COL4A6: variants seen among roughly 807,000 people sequenced by gnomAD.
COL4A6 encodes collagen alpha-6(IV) chain.
COL4A6 carries 59 observed loss-of-function variants against 126.7 expected under a neutral mutation model. That is an observed-to-expected ratio of 0.47 (90% CI 0.38 to 0.58). COL4A6 has a LOEUF of 0.58. Among genes scored for constraint, COL4A6 ranks in the 20% least tolerant of loss-of-function variants. COL4A6 has a pLI of 0.00. For synonymous variants in COL4A6, 547 were observed against 496.6 expected, an observed-to-expected ratio of 1.10 and a Z score of -1.35; for missense variants, 1,285 against 1,337.3, an observed-to-expected ratio of 0.96 and a Z score of 0.61.
At position 108,316,912 on chromosome X, in the gene COL4A6, T is replaced by C. The variant is rs763307374; in HGVS notation, c.64-6084A>G. Reference sequence around the variant, plus strand: ...CAGAGTTGGAGCAAGAGCCAGATCATAGAAGATTTCATAGACCAATGTAAG... The same window carrying C: ...CAGAGTTGGAGCAAGAGCCAGATCACAGAAGATTTCATAGACCAATGTAAG... On this transcript the variant is annotated intron_variant, in intron 2 of 44. Transcript: ENST00000334504. Among the ~76,000 whole-genome samples the C allele has an allele frequency of 5.4e-5, 6 of 112,092 alleles. No individual in the cohort carries two copies. The South Asian group carries it at 1.9e-3, about 35-fold the overall frequency.
intron 23 of COL4A6, among the ~76,000 whole-genome samples, chrX:108,185,504 C>A (rs781691288): frequency 8.9e-6 from 1 of 111,802 alleles, no homozygotes; most frequent in African/African-American, 3.2e-5. Flanking sequence ...TACCATCTAC[C>A]ATCAACCTTA....
intron 3 of COL4A6, among the ~76,000 whole-genome samples, chrX:108,238,947 G>A (rs1390417497): frequency 8.9e-6 from 1 of 112,134 alleles, no homozygotes; most frequent in Non-Finnish European, 1.9e-5. Context: ...ATACTAGCAA[G>A]GCTAATCATC....
chrX:108,379,873 T>C (rs1410326144), intron 2 of COL4A6, among the ~76,000 whole-genome samples: 2 of 110,600 alleles, frequency 1.8e-5, no homozygotes, highest in Admixed American at 9.7e-5. Flanking sequence ...CCTCCAGCAG[T>C]TGGAGACCCC....
At chrX:108,439,372 ATACTT>A, upstream of COL4A6, 2 of 815,841 alleles carry the variant, frequency 2.5e-6, no homozygotes, top group Non-Finnish European at 3.5e-6. Context: ...TTATAAGCAT[ATACTT>A]TATTTATTCC....
intron 2 of COL4A6, among the ~76,000 whole-genome samples, chrX:108,391,183 C>A (rs1470517730): frequency 8.9e-6 from 1 of 111,782 alleles, no homozygotes; most frequent in Admixed American, 9.5e-5. Flanking sequence ...GAAGGGCCCA[C>A]TTGAGCAGGC....
intron 3 of COL4A6, among the ~76,000 whole-genome samples, chrX:108,225,964 G>A (rs912409513): frequency 6.2e-5 from 7 of 112,386 alleles, no homozygotes; most frequent in Non-Finnish European, 1.3e-4. Flanking sequence ...ATTAAGCTAG[G>A]GGATGCAAAT....
At chrX:108,407,711 A>G (rs1168772391) in intron 2 of COL4A6, among the ~76,000 whole-genome samples, 1 of 112,098 alleles carries the variant, frequency 8.9e-6, no homozygotes, top group Non-Finnish European at 1.9e-5. Flanking sequence ...AGCATTTTAC[A>G]ATATTGTAAG....
rs1377013897 is a variant in COL4A6, at chrX:108,156,004, A to G, written c.*996T>C. 1 of 112,350 alleles carries G rather than the reference A, an allele frequency of 8.9e-6. No individual in the cohort carries two copies. Among genetic ancestry groups the G allele is most frequent in the Non-Finnish European group, 1.9e-5 (1 of 53,329 alleles). 9.3% of individuals were successfully genotyped at this position (112,350 alleles called of 1,213,427 possible). A position where few individuals can be genotyped will look rare whatever the true frequency, so the allele number is the denominator to read the frequency against. On this transcript the variant is annotated 3_prime_UTR_variant, in exon 45 of 45. Coordinates refer to ENST00000334504, the MANE Select transcript of COL4A6 (RefSeq NM_033641.4). ...AAGAGCAATTGGATAACCATTTAAC[A>G]AAGTCTTTAACATCCTCAGAATACA...
intron 2 of COL4A6, among the ~76,000 whole-genome samples, chrX:108,351,409 A>C (rs1182074187): frequency 9.1e-6 from 1 of 109,807 alleles, no homozygotes; most frequent in Non-Finnish European, 1.9e-5. Context: ...CATACAAATA[A>C]ACAGTATTAA....
chrX:108,236,841 T>C (rs767750876), intron 3 of COL4A6, among the ~76,000 whole-genome samples: 33 of 111,611 alleles, frequency 3.0e-4, no homozygotes, highest in Non-Finnish European at 4.3e-4. Context: ...TCTGCAGCAT[T>C]TGTCATCACC....
At chrX:108,304,374 CG>C (rs980366617) in intron 3 of COL4A6, among the ~76,000 whole-genome samples, 1 of 111,367 alleles carries the variant, frequency 9.0e-6, no homozygotes, top group African/African-American at 3.3e-5. Context: ...TATCCTGAAC[CG>C]AAAGAACCAT....
intron 32 of COL4A6, 78 bp downstream of exon 32, chrX:108,172,389 AAG>A: frequency 3.6e-6 from 2 of 554,790 alleles, no homozygotes; most frequent in South Asian, 4.9e-5. Context: ...AAAAAAAAAA[AAG>A]AGAGAGACCC....
intron 3 of COL4A6, among the ~76,000 whole-genome samples, chrX:108,235,818 C>T (rs778799621): frequency 1.8e-5 from 2 of 110,559 alleles, no homozygotes; most frequent in Non-Finnish European, 3.8e-5. Context: ...GGAAACCATC[C>T]CTAAAGGTAT....
At chrX:108,277,012 G>C (rs150249690) in intron 3 of COL4A6, among the ~76,000 whole-genome samples, 1,524 of 112,264 alleles carry the variant, frequency 0.014, 22 homozygotes, top group African/African-American at 0.047. Flanking sequence ...TGGTTGAAAG[G>C]TATAGAGGCG....
intron 3 of COL4A6, among the ~76,000 whole-genome samples, chrX:108,273,749 G>T (rs1364533051): frequency 2.7e-5 from 3 of 111,802 alleles, no homozygotes; most frequent in Non-Finnish European, 5.6e-5. Flanking sequence ...TGAGTACCAT[G>T]GATCCAGATG....
chrX:108,165,263 G>T, intron 38 of COL4A6, 107 bp downstream of exon 38: 1 of 785,185 alleles, frequency 1.3e-6, no homozygotes, highest in Non-Finnish European at 2.0e-6. Context: ...AGCCAAACAC[G>T]CCCACATATG....
chrX:108,159,837 G>T, intron 43 of COL4A6, 89 bp from the exon 44 acceptor site: 2 of 989,338 alleles, frequency 2.0e-6, no homozygotes, highest in South Asian at 3.9e-5. Flanking sequence ...CCAACCACTT[G>T]CACCAGACTG....
At chrX:108,246,881 C>A (rs1254484745) in intron 3 of COL4A6, among the ~76,000 whole-genome samples, 1 of 111,691 alleles carries the variant, frequency 9.0e-6, no homozygotes, top group Non-Finnish European at 1.9e-5. Flanking sequence ...TTCTTTTCAA[C>A]TAGCAAAGGC....
chrX:108,358,347 G>A (rs2040002047), intron 2 of COL4A6, among the ~76,000 whole-genome samples: 1 of 110,410 alleles, frequency 9.1e-6, no homozygotes, highest in South Asian at 3.9e-4. Context: ...GCTCTACCTT[G>A]CTTTAGCTAT....
Sources: allele counts gnomAD v4.1 joint callset (sites outside exome capture counted in the v4.1 genomes callset), GRCh38; gene constraint gnomAD v4.1.1; transcripts MANE v1.5; gene names NCBI Gene and HGNC (gene_info 2026-07-23, HGNC 2026-07-21).